Variants in TRPM3 observed in about 807,000 individuals in gnomAD.
The protein encoded by TRPM3 is long transient receptor potential channel 3.
TRPM3 carries 77 observed loss-of-function variants against 181.2 expected under a neutral mutation model. The ratio of observed to expected loss-of-function variants is 0.42; its 90% CI spans 0.35 to 0.51. The LOEUF is 0.51. Among genes scored for constraint, TRPM3 ranks in the 20% least tolerant of loss-of-function variants. The pLI, the probability that TRPM3 is intolerant of heterozygous loss-of-function variation, is 0.01. For synonymous variants in TRPM3, 745 were observed against 796.4 expected, an observed-to-expected ratio of 0.94 and a Z score of 1.09; for missense variants, 1,759 against 2,196.7, an observed-to-expected ratio of 0.80 and a Z score of 3.98.
At chr9:70,694,016 C>G (rs2069405209) in intron 8 of TRPM3, among the ~76,000 whole-genome samples, 1 of 152,196 alleles carries the variant, frequency 6.6e-6, no homozygotes, top group South Asian at 2.1e-4. Flanking sequence ...GCCTTCTTGC[C>G]CCTTTGGCAC....
At chr9:71,207,093 T>C (rs7861992) in intron 1 of TRPM3, among the ~76,000 whole-genome samples, 147,933 of 152,130 alleles carry the variant, frequency 0.97, 72,014 homozygotes, top group East Asian at 1. Context: ...TATCACAATG[T>C]TATACATCTG....
intron 22 of TRPM3, among the ~76,000 whole-genome samples, chr9:70,585,386 G>A (rs562646116): frequency 2.0e-5 from 3 of 152,164 alleles, no homozygotes; most frequent in Non-Finnish European, 2.9e-5. Flanking sequence ...TAACCATCAC[G>A]GTGGTTGATC....
chr9:70,766,466 G>C (rs566440688), intron 7 of TRPM3, among the ~76,000 whole-genome samples: 1 of 152,154 alleles, frequency 6.6e-6, no homozygotes, highest in East Asian at 1.9e-4. Context: ...TTTTCTATTA[G>C]TTTATTCAGA....
chr9:71,148,498 T>A (rs1243287348), intron 1 of TRPM3, among the ~76,000 whole-genome samples: 2 of 152,164 alleles, frequency 1.3e-5, no homozygotes, highest in African/African-American at 2.4e-5. Flanking sequence ...GTGTTTTTAA[T>A]CTCCTGTCTT....
intron 1 of TRPM3, among the ~76,000 whole-genome samples, chr9:70,965,084 T>C (rs1050116083): frequency 6.6e-6 from 1 of 152,044 alleles, no homozygotes; most frequent in Non-Finnish European, 1.5e-5. Flanking sequence ...TCTCCCAGAA[T>C]AGCTACAGTG....
intron 1 of TRPM3, among the ~76,000 whole-genome samples, chr9:71,214,013 C>T (rs1485019668): frequency 6.6e-6 from 1 of 152,108 alleles, no homozygotes; most frequent in African/African-American, 2.4e-5. Context: ...TTTCTGCCTC[C>T]ATGTATCAAA....
At chr9:70,849,423 GC>G (rs1456040840) in intron 3 of TRPM3, among the ~76,000 whole-genome samples, 1 of 152,162 alleles carries the variant, frequency 6.6e-6, no homozygotes, top group Non-Finnish European at 1.5e-5. Flanking sequence ...GGGAGTACAG[GC>G]GTGAGCCACC....
rs80205615 is a variant in TRPM3 at position 71,080,276 on chromosome 9, C to T, written c.177+40902G>A. Among the ~76,000 whole-genome samples, 753 of 152,156 alleles carry T rather than the reference C, an allele frequency of 4.9e-3. 18 individuals carry two copies. The East Asian group carries it at 0.078, about 16-fold the overall frequency. On this transcript the variant is annotated intron_variant, in intron 1 of 25. Coordinates refer to ENST00000677713, the MANE Select transcript of TRPM3 (RefSeq NM_001366145.2). Reference sequence around the variant, plus strand: ...TAATTGGAACGAGACAACAGTAACACTAAAGGATGCTAGCACCCTAATGGT... The same window carrying T: ...TAATTGGAACGAGACAACAGTAACATTAAAGGATGCTAGCACCCTAATGGT...
intron 1 of TRPM3, among the ~76,000 whole-genome samples, chr9:71,070,975 A>T (rs2062687853): frequency 6.6e-6 from 1 of 152,220 alleles, no homozygotes; most frequent in African/African-American, 2.4e-5. Flanking sequence ...TCTCTAGAGA[A>T]AAAATGGAAT....
At chr9:70,812,274 T>C (rs2092175178) in intron 6 of TRPM3, among the ~76,000 whole-genome samples, 1 of 152,230 alleles carries the variant, frequency 6.6e-6, no homozygotes, top group Non-Finnish European at 1.5e-5. Flanking sequence ...AGTAGGAGTT[T>C]GGCAGCTGGT....
At chr9:71,433,781 A>T (rs1484777257) in intron 1 of TRPM3, among the ~76,000 whole-genome samples, 2 of 152,220 alleles carry the variant, frequency 1.3e-5, no homozygotes, top group African/African-American at 2.4e-5. Context: ...TCTAGGTCGG[A>T]TGCTTCACAT....
chr9:71,333,575 C>T (rs1389276983), intron 1 of TRPM3, among the ~76,000 whole-genome samples: 2 of 151,902 alleles, frequency 1.3e-5, no homozygotes, highest in Admixed American at 6.6e-5. Flanking sequence ...CTGAGGAAGA[C>T]CTTTGATCAA....
intron 1 of TRPM3, among the ~76,000 whole-genome samples, chr9:71,411,223 A>G (rs1217909215): frequency 6.6e-6 from 1 of 152,262 alleles, no homozygotes; most frequent in Non-Finnish European, 1.5e-5. Context: ...CACCACTCCT[A>G]TTCAACACAG....
rs773473220 is a variant in TRPM3 at position 70,625,060 on chromosome 9, TTTGA to T, written c.1809+127_1809+130del. 9.0e-6 allele frequency: 9 copies of T among 999,534 alleles called. No individual in the cohort carries two copies. The highest frequency in any genetic ancestry group is 2.2e-5 in the South Asian group (1 of 45,630). The allele number at this position is 999,534 out of a possible 1,614,324, so 61.9% of individuals were successfully genotyped here. On this transcript the variant is annotated intron_variant, in intron 14 of 25. Transcript: ENST00000677713. This position sits in a 1 kb window ranked among gnomAD's most constrained non-coding sequence, Gnocchi z 4.8. ...ATTAATTTGAATTTCATTACTTTTC[TTTGA>T]TTGTTTAGGTTCACTCTCAGCGCAA...
At chr9:70,660,154 G>T (rs1329374603) in intron 9 of TRPM3, among the ~76,000 whole-genome samples, 2 of 152,010 alleles carry the variant, frequency 1.3e-5, no homozygotes, top group Non-Finnish European at 2.9e-5. Flanking sequence ...TTCTCCAAAA[G>T]ATTTTAAAAA....
intron 1 of TRPM3, among the ~76,000 whole-genome samples, chr9:70,938,684 G>A (rs1276017261): frequency 6.6e-6 from 1 of 152,068 alleles, no homozygotes; most frequent in African/African-American, 2.4e-5. Context: ...TGGGCGCGGT[G>A]GCTCACACCT....
chr9:71,350,394 T>C (rs1269088372), intron 1 of TRPM3, among the ~76,000 whole-genome samples: 1 of 152,200 alleles, frequency 6.6e-6, no homozygotes, highest in Admixed American at 6.5e-5. Context: ...GGTTTATCAA[T>C]GTTCCAATGA....
chr9:70,618,967 G>T lies in TRPM3; in HGVS notation c.2258C>A (p.Ala753Asp). The T allele has an allele frequency of 6.2e-7, 1 of 1,614,148 alleles. No homozygotes were observed. Among genetic ancestry groups the T allele is most frequent in the Non-Finnish European group, 8.5e-7 (1 of 1,180,028 alleles). The change falls in exon 17 of 26, where the codon GCT becomes GAT. Residue 753 changes from alanine to aspartate, a missense_variant. Ala to Asp is a moderately radical substitution (Grantham distance 126). Around this residue, in one of 8 missense-constraint regions of TRPM3, gnomAD observed 737 missense variants for 957.4 expected, o/e 0.77. Transcript: ENST00000677713. ...SNATCLQLAV[A>D]AKHRDFIAHT... is the part of the protein sequence containing the mutation. ...CGCGATGAAGTCGCGGTGTTTGGCA[G>T]CCACGGCAAGCTGCAGGCACGTGGC...
intron 1 of TRPM3, among the ~76,000 whole-genome samples, chr9:71,136,351 G>A (rs2074765841): frequency 6.6e-6 from 1 of 152,170 alleles, no homozygotes. Flanking sequence ...CCTGTTCTCT[G>A]TAGCTTCCAG....
Sources: allele counts gnomAD v4.1 joint callset (sites outside exome capture counted in the v4.1 genomes callset), GRCh38; gene constraint gnomAD v4.1.1; regional missense constraint gnomAD v4.1.1; non-coding constraint Gnocchi (gnomAD v3.1); transcripts MANE v1.5; gene names NCBI Gene and HGNC (gene_info 2026-07-23, HGNC 2026-07-21).